Variants in VAT1L observed in about 807,000 individuals in gnomAD.
The protein encoded by VAT1L is vesicle amine transport 1 like, also known as putative NADPH-dependent quinone oxidoreductase VAT1L.
A neutral mutation model predicts 44.1 loss-of-function variants in VAT1L; 34 were observed. The observed-to-expected ratio is 0.77, with a 90% CI of 0.59 to 1.03. VAT1L has a LOEUF of 1.03. Ranked by LOEUF, VAT1L falls within the 50% of genes least tolerant of loss-of-function variation. The pLI, the probability that VAT1L is intolerant of heterozygous loss-of-function variation, is 0.00. For synonymous variants in VAT1L, 253 were observed against 202.2 expected (o/e 1.25, Z -2.13); for missense variants, 615 against 538.8 (o/e 1.14, Z -1.40).
intron 7 of VAT1L, among the ~76,000 whole-genome samples, chr16:77,915,869 G>C (rs1034667176): frequency 1.1e-4 from 17 of 152,154 alleles, no homozygotes; most frequent in Non-Finnish European, 2.4e-4. Context: ...GTTAGACGAG[G>C]AAGGGAAGAC....
chr16:77,863,402 C>G (rs903267013), intron 4 of VAT1L, among the ~76,000 whole-genome samples: 1 of 152,218 alleles, frequency 6.6e-6, no homozygotes, highest in Non-Finnish European at 1.5e-5. Context: ...CACTACTGCT[C>G]AGGTCGTTGG....
At chr16:77,946,279 C>CTTTTTTTTGTTTTTTTT (rs2017963874) in intron 7 of VAT1L, among the ~76,000 whole-genome samples, 1 of 70,428 alleles carries the variant, frequency 1.4e-5, no homozygotes, top group South Asian at 6.8e-4. Context: ...GTTACTTGTT[C>CTTTTTTTTGTTTTTTTT]TTTTTTTTTT....
At chr16:77,828,016 A>C (rs907883952) in intron 3 of VAT1L, among the ~76,000 whole-genome samples, 2 of 152,210 alleles carry the variant, frequency 1.3e-5, no homozygotes, top group African/African-American at 4.8e-5. Context: ...CCCATCTCTC[A>C]GACGGGCTGG....
intron 3 of VAT1L, among the ~76,000 whole-genome samples, chr16:77,860,329 G>A (rs919815699): frequency 6.6e-6 from 1 of 152,184 alleles, no homozygotes; most frequent in Non-Finnish European, 1.5e-5. Flanking sequence ...TGAGTGTGAT[G>A]TGTCGCTTTT....
chr16:77,875,497 A>T (rs1236439916), intron 4 of VAT1L, among the ~76,000 whole-genome samples: 1 of 152,188 alleles, frequency 6.6e-6, no homozygotes, highest in Admixed American at 6.5e-5. Context: ...TGTGGGCATG[A>T]ATATCTTCCC....
chr16:77,928,175 A>C (rs979928843), intron 7 of VAT1L, among the ~76,000 whole-genome samples: 2 of 152,194 alleles, frequency 1.3e-5, no homozygotes, highest in Non-Finnish European at 2.9e-5. Context: ...TTTTGTAAAG[A>C]TGAACCAGAG....
intron 3 of VAT1L, among the ~76,000 whole-genome samples, chr16:77,847,939 G>A (rs118103387): frequency 7.9e-5 from 12 of 152,202 alleles, no homozygotes; most frequent in African/African-American, 1.2e-4. Flanking sequence ...TGGTTCTGCT[G>A]TGCCACGTTT....
intron 1 of VAT1L, among the ~76,000 whole-genome samples, chr16:77,794,766 C>T (rs534158315): frequency 2.6e-5 from 4 of 152,204 alleles, no homozygotes; most frequent in African/African-American, 9.6e-5. Context: ...TGGATGGAAG[C>T]ATCAGGATTT....
chr16:77,930,184 AC>A (rs1175834350), intron 7 of VAT1L, among the ~76,000 whole-genome samples: 1 of 151,446 alleles, frequency 6.6e-6, no homozygotes, highest in African/African-American at 2.4e-5. Flanking sequence ...ACAAGCACCC[AC>A]CCCCAACACA....
chr16:77,918,460 C>T (rs1370198622), intron 7 of VAT1L, among the ~76,000 whole-genome samples: 1 of 151,988 alleles, frequency 6.6e-6, no homozygotes, highest in Non-Finnish European at 1.5e-5. Flanking sequence ...GTAATTCCAC[C>T]CACCATCATC....
At chr16:77,912,293 T>G (rs996532106) in intron 7 of VAT1L, among the ~76,000 whole-genome samples, 1 of 152,172 alleles carries the variant, frequency 6.6e-6, no homozygotes, top group African/African-American at 2.4e-5. Flanking sequence ...GAAGTTAACA[T>G]AAGTAAAGCG....
chr16:77,879,353 C>T lies in VAT1L; in HGVS notation c.882+129C>T, dbSNP rs139149879. Reference sequence around the variant, plus strand: ...GTCACCAGGCTGGAGTGCAATGGCACGATCTCGGCTCATGGCAACCTCCGA... The same window carrying T: ...GTCACCAGGCTGGAGTGCAATGGCATGATCTCGGCTCATGGCAACCTCCGA... On this transcript the variant is annotated intron_variant, in intron 6 of 8. Transcript: ENST00000302536. This position sits in a 1 kb window ranked among gnomAD's most constrained non-coding sequence, Gnocchi z 4.1. The T allele has an allele frequency of 2.9e-3, 2,832 of 974,012 alleles. 16 individuals are homozygous for T. The highest frequency in any genetic ancestry group is 2.6e-3 in the Non-Finnish European group (1,635 of 624,784). The allele number at this position is 974,012 out of a possible 1,614,324, so 60.3% of individuals were successfully genotyped here.
chr16:77,907,869 C>T (rs2017454424), intron 7 of VAT1L, among the ~76,000 whole-genome samples: 1 of 152,088 alleles, frequency 6.6e-6, no homozygotes. Flanking sequence ...CATTTTAGTG[C>T]CTGTTTAGAG....
At chr16:77,867,600 G>A (rs756085861) in intron 4 of VAT1L, among the ~76,000 whole-genome samples, 3 of 152,128 alleles carry the variant, frequency 2.0e-5, no homozygotes, top group Non-Finnish European at 4.4e-5. Context: ...GCTCATGCCT[G>A]TAAATCCAGG....
chr16:77,819,583 G>C (rs981252877), intron 2 of VAT1L, among the ~76,000 whole-genome samples: 1 of 152,004 alleles, frequency 6.6e-6, no homozygotes, highest in African/African-American at 2.4e-5. Flanking sequence ...GGGTTTCACC[G>C]TGTTGGCCAG....
intron 1 of VAT1L, among the ~76,000 whole-genome samples, chr16:77,806,794 A>G (rs1335600149): frequency 6.6e-6 from 1 of 152,222 alleles, no homozygotes; most frequent in Non-Finnish European, 1.5e-5. Flanking sequence ...AACAGCTGTC[A>G]TATCATAGCA....
intron 3 of VAT1L, among the ~76,000 whole-genome samples, chr16:77,835,307 G>A (rs541739666): frequency 1.3e-5 from 2 of 152,218 alleles, no homozygotes; most frequent in East Asian, 3.9e-4. Context: ...CAGTCTTTGG[G>A]GTTCTTTCTC....
At chr16:77,828,871 T>C (rs1329565746) in intron 3 of VAT1L, among the ~76,000 whole-genome samples, 1 of 152,100 alleles carries the variant, frequency 6.6e-6, no homozygotes, top group East Asian at 1.9e-4. Flanking sequence ...ACCTTCATTT[T>C]AGCCGAGCGA....
At chr16:77,976,467 C>A (rs2018341096) in intron 8 of VAT1L, among the ~76,000 whole-genome samples, 1 of 152,080 alleles carries the variant, frequency 6.6e-6, no homozygotes, top group African/African-American at 2.4e-5. Context: ...GGGGGAGAAC[C>A]CAGCTTCAGG....
Sources: allele counts gnomAD v4.1 joint callset (sites outside exome capture counted in the v4.1 genomes callset), GRCh38; gene constraint gnomAD v4.1.1; non-coding constraint Gnocchi (gnomAD v3.1); transcripts MANE v1.5; gene names NCBI Gene and HGNC (gene_info 2026-07-23, HGNC 2026-07-21).